Variants in GARNL3 observed in about 807,000 individuals in gnomAD.
GARNL3 encodes GTPase activating Rap/RanGAP domain like 3.
In GARNL3, 63 loss-of-function variants were observed where a neutral mutation model predicts 125.0. The observed-to-expected ratio is 0.50, with a 90% CI of 0.41 to 0.62. The LOEUF (loss-of-function observed/expected upper bound fraction) is 0.62. GARNL3 is among the 20% of genes least tolerant of loss of function. GARNL3 has a pLI of 0.00. For missense variants in GARNL3, 994 were observed against 1,244.0 expected (o/e 0.80, Z 3.02); for synonymous variants, 439 against 457.5 (o/e 0.96, Z 0.52).
intron 2 of GARNL3, among the ~76,000 whole-genome samples, chr9:127,296,633 A>T (rs2779724): frequency 6.6e-6 from 1 of 151,522 alleles, no homozygotes; most frequent in African/African-American, 2.4e-5. Context: ...CATTGTATCC[A>T]GCAAATTTTT....
chr9:127,386,217 T>G (rs1356310441), intron 24 of GARNL3, among the ~76,000 whole-genome samples: 1 of 152,256 alleles, frequency 6.6e-6, no homozygotes, highest in African/African-American at 2.4e-5. Flanking sequence ...TCATTTAATC[T>G]GATAGGTAAT....
intron 20 of GARNL3, 87 bp from the exon 21 acceptor site, chr9:127,357,132 G>C (rs1484322086): frequency 2.9e-6 from 4 of 1,378,578 alleles, no homozygotes; most frequent in Non-Finnish European, 4.1e-6. Flanking sequence ...TGCCTTCTCT[G>C]TAAGGAGGGA....
chr9:127,363,681 C>T (rs778334367), intron 21 of GARNL3: 5 of 152,344 alleles, frequency 3.3e-5, no homozygotes, highest in Non-Finnish European at 7.3e-5. Flanking sequence ...CATGGTGCTC[C>T]TGTGAGGAGG....
intron 18 of GARNL3, 65 bp downstream of exon 18, chr9:127,354,009 C>T: frequency 9.6e-7 from 1 of 1,046,816 alleles, no homozygotes; most frequent in Middle Eastern, 2.1e-4. Flanking sequence ...GCGGCCCACA[C>T]CACAGGTCGC....
At chr9:127,363,421 T>C (rs1348617989) in intron 21 of GARNL3, 2 of 152,292 alleles carry the variant, frequency 1.3e-5, no homozygotes, top group African/African-American at 2.4e-5. Context: ...CTAGTGGCAC[T>C]GAATACAGTG....
At chr9:127,255,098 T>C (rs1387836166) in intron 2 of GARNL3, among the ~76,000 whole-genome samples, 3 of 152,196 alleles carry the variant, frequency 2.0e-5, no homozygotes, top group Admixed American at 6.5e-5. Flanking sequence ...TGTGACACTA[T>C]GTAGAAAAAA....
intron 2 of GARNL3, among the ~76,000 whole-genome samples, chr9:127,294,103 T>G (rs1478000984): frequency 6.6e-6 from 1 of 152,146 alleles, no homozygotes; most frequent in Non-Finnish European, 1.5e-5. Flanking sequence ...CCTATTGGAC[T>G]TGCCTACCCC....
At chr9:127,264,191 T>C (rs2063652317), upstream of GARNL3, 1 of 405,628 alleles carries the variant, frequency 2.5e-6, no homozygotes, top group Non-Finnish European at 4.3e-6. Context: ...GAGTGCTAAA[T>C]ATACTAACTA....
rs1222188953 is a variant in GARNL3, at chr9:127,264,818, C to T, written c.-60C>T. 23 of 1,397,036 alleles carry T rather than the reference C, an allele frequency of 1.6e-5. No homozygotes were observed. Among genetic ancestry groups the T allele is most frequent in the Non-Finnish European group, 2.0e-5 (21 of 1,062,724 alleles). The allele number at this position is 1,397,036 out of a possible 1,614,324, so 86.5% of individuals were successfully genotyped here. A position where few individuals can be genotyped will look rare whatever the true frequency, so the allele number is the denominator to read the frequency against. ...GGGGACTGTGTCTGTTGCAAGGAGGCTCCCCTGCAGTGAGGAGCCGGGGCA... is the reference window on the plus strand; with the variant it reads ...GGGGACTGTGTCTGTTGCAAGGAGGTTCCCCTGCAGTGAGGAGCCGGGGCA... On this transcript the variant is annotated 5_prime_UTR_variant, in exon 1 of 28. Transcript: ENST00000373387.
At chr9:127,278,053 T>C (rs138561031) in intron 1 of GARNL3, among the ~76,000 whole-genome samples, 1 of 152,304 alleles carries the variant, frequency 6.6e-6, no homozygotes, top group African/African-American at 2.4e-5. Flanking sequence ...TTTTCTTAAA[T>C]TTTTTATATT....
rs1832465999 is a variant in GARNL3, at chr9:127,385,006, G to T, written c.2270-21G>T. ...GCCACCAAGCCAGCAGCTGGGAGGTGACACTCCCGTTCCCTTGCAGTCTGT... is the reference window on the plus strand; with the variant it reads ...GCCACCAAGCCAGCAGCTGGGAGGTTACACTCCCGTTCCCTTGCAGTCTGT... On this transcript the variant is annotated intron_variant, in intron 23 of 27. Coordinates refer to ENST00000373387, the MANE Select transcript of GARNL3 (RefSeq NM_032293.5). The surrounding 1 kb of genome is among the most constrained non-coding windows in gnomAD (Gnocchi z 4.1). The T allele has an allele frequency of 6.6e-7, 1 of 1,511,978 alleles. No individual in the cohort carries two copies. The highest frequency in any genetic ancestry group is 1.2e-5 in the South Asian group (1 of 86,206). The allele number at this position is 1,511,978 out of a possible 1,614,324, so 93.7% of individuals were successfully genotyped here.
chr9:127,259,845 G>A (rs781255010), upstream of GARNL3, among the ~76,000 whole-genome samples: 9 of 151,700 alleles, frequency 5.9e-5, no homozygotes, highest in Non-Finnish European at 7.4e-5. Flanking sequence ...GACCAGCCAT[G>A]GACACATTGT....
At chr9:127,331,513 A>T (rs1829238487) in intron 7 of GARNL3, among the ~76,000 whole-genome samples, 1 of 151,658 alleles carries the variant, frequency 6.6e-6, no homozygotes, top group Non-Finnish European at 1.5e-5. Context: ...AGAAAAAAAA[A>T]AACCACTACC....
chr9:127,300,044 T>G (rs944979441), intron 2 of GARNL3: 1 of 288,952 alleles, frequency 3.5e-6, no homozygotes, highest in Non-Finnish European at 6.9e-6. Context: ...CCTTTGGCCA[T>G]ATCGAGATTA....
At chr9:127,263,721 AT>A (rs1204300307), upstream of GARNL3, 3 of 1,189,694 alleles carry the variant, frequency 2.5e-6, no homozygotes, top group East Asian at 1.1e-4. Flanking sequence ...GCATGCATTG[AT>A]GTGTTGCCCA....
intron 2 of GARNL3, among the ~76,000 whole-genome samples, chr9:127,295,501 A>G (rs1032843374): frequency 1.1e-4 from 16 of 152,104 alleles, no homozygotes; most frequent in African/African-American, 3.9e-4. Flanking sequence ...CTACAATTCA[A>G]TTCTCACACC....
At chr9:127,273,427 C>T (rs2063872387) in intron 1 of GARNL3, among the ~76,000 whole-genome samples, 1 of 152,226 alleles carries the variant, frequency 6.6e-6, no homozygotes, top group African/African-American at 2.4e-5. Context: ...TAATTTCAAA[C>T]TATTTTTCGT....
chr9:127,345,282 G>T, intron 15 of GARNL3, 121 bp from the exon 16 acceptor site: 1 of 555,090 alleles, frequency 1.8e-6, no homozygotes, highest in Non-Finnish European at 3.1e-6. Flanking sequence ...GTCAGTAGAG[G>T]AACCCGAAAT....
intron 2 of GARNL3, among the ~76,000 whole-genome samples, chr9:127,304,506 C>T (rs899909024): frequency 2.1e-5 from 3 of 143,572 alleles, no homozygotes; most frequent in Non-Finnish European, 4.6e-5. Context: ...AAGACAGACT[C>T]AAAATGGTCA....
Sources: allele counts gnomAD v4.1 joint callset (sites outside exome capture counted in the v4.1 genomes callset), GRCh38; gene constraint gnomAD v4.1.1; non-coding constraint Gnocchi (gnomAD v3.1); transcripts MANE v1.5; gene names NCBI Gene and HGNC (gene_info 2026-07-23, HGNC 2026-07-21).